Variants in PCSK1 observed in about 807,000 individuals in gnomAD.
PCSK1 encodes the protein proprotein convertase subtilisin/kexin type 1.
PCSK1 carries 56 observed loss-of-function variants against 90.6 expected under a neutral mutation model. The ratio of observed to expected loss-of-function variants is 0.62; its 90% CI spans 0.50 to 0.77. PCSK1 has a LOEUF of 0.77. Among genes scored for constraint, PCSK1 ranks in the 30% least tolerant of loss-of-function variants. PCSK1 has a pLI of 0.00. For synonymous variants in PCSK1, 348 were observed against 342.4 expected (o/e 1.02, Z -0.18); for missense variants, 801 against 932.6 (o/e 0.86, Z 1.84).
chr5:96,413,963 CAAAA>C lies in PCSK1; in HGVS notation c.710-1477_710-1474del, dbSNP rs61316405. 3.5e-3 allele frequency among the ~76,000 whole-genome samples: 78 copies of C among 22,424 alleles called. 2 individuals carry two copies. Among genetic ancestry groups the C allele is most frequent in the African/African-American group, 7.0e-3 (73 of 10,382 alleles). The allele number at this position is 22,424 out of a possible 152,430, so 14.7% of individuals were successfully genotyped here. ...TGAAACCCTGTCTCCACTAAAAATACAAAAAAAAAAAAAAAAAAAAAAAAAATTA... is the reference window on the plus strand; with the variant it reads ...TGAAACCCTGTCTCCACTAAAAATACAAAAAAAAAAAAAAAAAAAAAATTA... On this transcript the variant is annotated intron_variant, in intron 6 of 13. Transcript: ENST00000311106.
intron 3 of PCSK1, among the ~76,000 whole-genome samples, chr5:96,424,897 A>G (rs1219043278): frequency 6.6e-6 from 1 of 151,534 alleles, no homozygotes; most frequent in Non-Finnish European, 1.5e-5. Context: ...CAGGAGACAG[A>G]GATTGCAGTG....
chr5:96,391,542 C>G lies in PCSK1; in HGVS notation c.*1459G>C, dbSNP rs975562349. On this transcript the variant is annotated 3_prime_UTR_variant, in exon 14 of 14. Coordinates refer to ENST00000311106, the MANE Select transcript of PCSK1 (RefSeq NM_000439.5). ...ATAATTATTATTGTACAGATCCTGC[C>G]TAACAGAAGATGCGGGTAGTTTGTT... 2 of 152,212 alleles carry G rather than the reference C, an allele frequency of 1.3e-5. No homozygotes were observed. The highest frequency in any genetic ancestry group is 2.4e-5 in the African/African-American group (1 of 41,452). The allele number at this position is 152,212 out of a possible 1,614,324, so 9.4% of individuals were successfully genotyped here.
Position 96,394,941 on chromosome 5 carries a change from G to T in PCSK1, c.1807C>A (p.Gln603Lys), listed in dbSNP as rs1456842466. ...TTGTAGGACGTGTACACACGAGGCT[G>T]CTTCATATGCTCTGGCTGAGAAGAG... ...GTSSQPEHMK[Q>K]PRVYTSYNTV... Residue 603 changes from glutamine to lysine, a missense_variant, in exon 13 of 14, where the codon CAG (glutamine) becomes AAG (lysine). Physicochemically the swap from Gln to Lys is moderately conservative, Grantham distance 53. Coordinates refer to ENST00000311106, the MANE Select transcript of PCSK1 (RefSeq NM_000439.5). 1.2e-6 allele frequency: 2 copies of T among 1,613,824 alleles called. No individual in the cohort carries two copies. Among genetic ancestry groups the T allele is most frequent in the Non-Finnish European group, 1.7e-6 (2 of 1,179,802 alleles).
chr5:96,430,882 T>A (rs1761470714), intron 1 of PCSK1, among the ~76,000 whole-genome samples: 1 of 152,188 alleles, frequency 6.6e-6, no homozygotes, highest in South Asian at 2.1e-4. Context: ...CTCCCAAGAA[T>A]GATGATGTAT....
chr5:96,404,561 T>A (rs1038613292), intron 9 of PCSK1, among the ~76,000 whole-genome samples: 3 of 152,210 alleles, frequency 2.0e-5, no homozygotes, highest in African/African-American at 7.2e-5. Flanking sequence ...TATTGAGTAG[T>A]CTGCTTGTGA....
chr5:96,413,609 G>A (rs1267901569), intron 6 of PCSK1, among the ~76,000 whole-genome samples: 1 of 151,364 alleles, frequency 6.6e-6, no homozygotes, highest in Admixed American at 6.6e-5. Flanking sequence ...AGACCAGCCT[G>A]GCCAACATGG....
intron 10 of PCSK1, 25 bp from the exon 11 acceptor site, chr5:96,399,061 T>G (rs1237192295): frequency 6.4e-7 from 1 of 1,561,396 alleles, no homozygotes; most frequent in East Asian, 2.3e-5. Context: ...GAATCAGCAT[T>G]GAATAAAGTA....
chr5:96,408,109 T>G, intron 9 of PCSK1, 114 bp downstream of exon 9: 1 of 744,204 alleles, frequency 1.3e-6, no homozygotes, highest in Non-Finnish European at 2.4e-6. Context: ...AGCTTATCTT[T>G]ATTTGCAGTA....
intron 5 of PCSK1, among the ~76,000 whole-genome samples, chr5:96,419,360 A>G (rs1761043338): frequency 6.8e-6 from 1 of 146,522 alleles, no homozygotes; most frequent in African/African-American, 2.5e-5. Context: ...TCAATGAAGT[A>G]TTATATATGT....
intron 12 of PCSK1, among the ~76,000 whole-genome samples, chr5:96,395,891 A>G (rs1387307952): frequency 1.3e-5 from 2 of 152,254 alleles, no homozygotes; most frequent in Non-Finnish European, 2.9e-5. Context: ...TTGGGGGAAT[A>G]GTCATAATTT....
intron 6 of PCSK1, among the ~76,000 whole-genome samples, chr5:96,413,963 CA>C (rs61316405): frequency 0.052 from 1,172 of 22,424 alleles, 12 homozygotes; most frequent in Middle Eastern, 0.11. Context: ...ACTAAAAATA[CA>C]AAAAAAAAAA....
intron 12 of PCSK1, 131 bp downstream of exon 12, chr5:96,397,205 C>T (rs1760182749): frequency 1.3e-6 from 1 of 797,830 alleles, no homozygotes; most frequent in Non-Finnish European, 2.1e-6. Context: ...AAACACTCTA[C>T]TTTTCCCTTA....
At chr5:96,429,146 TA>T (rs772754733) in intron 2 of PCSK1, 66 bp downstream of exon 2, 51 of 848,454 alleles carry the variant, frequency 6.0e-5, no homozygotes, top group Non-Finnish European at 9.9e-5. Context: ...CTTCTGTTTT[TA>T]TTAGAAATCA....
rs959979230 is a variant in PCSK1 at position 96,391,863 on chromosome 5, A to G, written c.*1138T>C. The G allele has an allele frequency of 2.6e-5, 4 of 152,242 alleles. No homozygotes were observed. The highest frequency in any genetic ancestry group is 9.6e-5 in the African/African-American group (4 of 41,460). 9.4% of individuals were successfully genotyped at this position (152,242 alleles called of 1,614,324 possible). Reference sequence around the variant, plus strand: ...CCAAACAAAATCTACCTGAGGGACAATTAAGGTCCATGGCCTGCCAGTTTC... The same window carrying G: ...CCAAACAAAATCTACCTGAGGGACAGTTAAGGTCCATGGCCTGCCAGTTTC... On this transcript the variant is annotated 3_prime_UTR_variant, in exon 14 of 14. Coordinates refer to ENST00000311106, the MANE Select transcript of PCSK1 (RefSeq NM_000439.5).
At chr5:96,400,612 C>T (rs948113324) in intron 9 of PCSK1, among the ~76,000 whole-genome samples, 5 of 152,240 alleles carry the variant, frequency 3.3e-5, no homozygotes, top group Non-Finnish European at 7.3e-5. Flanking sequence ...GAGGCCTTGA[C>T]TTCCTTCTTA....
rs188670849 is a variant in PCSK1 at position 96,433,063 on chromosome 5, C to T, written c.-21G>A. On this transcript the variant is annotated 5_prime_UTR_variant, in exon 1 of 14. Transcript: ENST00000311106. ...TCCATAGCTCACACACTCGCTTGAACAAGAGTGGGAAGGGAAGAGGAAAAA... is the reference window on the plus strand; with the variant it reads ...TCCATAGCTCACACACTCGCTTGAATAAGAGTGGGAAGGGAAGAGGAAAAA... 5.3e-4 allele frequency: 851 copies of T among 1,611,426 alleles called. 9 individuals are homozygous for T. Among genetic ancestry groups the T allele is most frequent in the Middle Eastern group, 5.0e-4 (3 of 6,002 alleles).
rs150560258 is a variant in PCSK1, at chr5:96,420,880, A to G, written c.620+1000T>C. On this transcript the variant is annotated intron_variant, in intron 5 of 13. Transcript: ENST00000311106. ...ACAGTGCCATCCAGAGAGAATAAAG[A>G]AGCGCTTCATGTGACATATACCAAG... is the stretch of plus-strand genomic sequence containing the variant. Among the ~76,000 whole-genome samples, 949 of 152,254 alleles carry G rather than the reference A, an allele frequency of 6.2e-3. 11 individuals are homozygous for G. The highest frequency in any genetic ancestry group is 0.022 in the African/African-American group (912 of 41,542).
At position 96,410,960 on chromosome 5, in the gene PCSK1, G is replaced by C. The variant is rs376062034; in HGVS notation, c.909C>G (p.Phe303Leu). The change falls in exon 8 of 14, where the codon TTC (phenylalanine) becomes TTG (leucine). Residue 303 changes from phenylalanine (F) to leucine (L), a missense_variant. Phe to Leu is a conservative substitution (Grantham distance 22). Transcript: ENST00000311106. ...KQGRQGKGSIFVWASGNGGRQ... is the reference protein window; with the variant it reads ...KQGRQGKGSILVWASGNGGRQ... Reference sequence around the variant, plus strand: ...GCCCCCCGTTTCCCGAAGCCCAGACGAAGATGGACCCCTTCCCCTGTCTCC... The same window carrying C: ...GCCCCCCGTTTCCCGAAGCCCAGACCAAGATGGACCCCTTCCCCTGTCTCC... 2 of 1,613,460 alleles carry C rather than the reference G, an allele frequency of 1.2e-6. No individual in the cohort carries two copies. Among genetic ancestry groups the C allele is most frequent in the Non-Finnish European group, 1.7e-6 (2 of 1,179,860 alleles).
intron 9 of PCSK1, among the ~76,000 whole-genome samples, chr5:96,400,649 A>G (rs1309218705): frequency 6.6e-6 from 1 of 152,234 alleles, no homozygotes; most frequent in Non-Finnish European, 1.5e-5. Flanking sequence ...AAAGACACAG[A>G]CTGGCTACCT....
Sources: allele counts gnomAD v4.1 joint callset (sites outside exome capture counted in the v4.1 genomes callset), GRCh38; gene constraint gnomAD v4.1.1; transcripts MANE v1.5; gene names NCBI Gene and HGNC (gene_info 2026-07-23, HGNC 2026-07-21).